The following HTR1F variants were observed in gnomAD, a reference collection of about 807,000 sequenced individuals.
The protein encoded by HTR1F is 5-hydroxytryptamine (serotonin) receptor 1F, G protein-coupled.
In HTR1F, 17 loss-of-function variants were observed where a neutral mutation model predicts 24.0. The ratio of observed to expected loss-of-function variants is 0.71; its 90% CI spans 0.48 to 1.06. The LOEUF is 1.06. Ranked by LOEUF, HTR1F falls within the 50% of genes least tolerant of loss-of-function variation. The probability of loss-of-function intolerance (pLI) is 0.00; values close to 1 mark genes in which losing one functional copy is unlikely to be tolerated. For missense variants in HTR1F, 391 were observed against 427.8 expected (o/e 0.91, Z 0.76); for synonymous variants, 186 against 156.8 (o/e 1.19, Z -1.39).
intron 2 of HTR1F, among the ~76,000 whole-genome samples, chr3:87,977,126 T>C (rs1050717224): frequency 6.6e-6 from 1 of 152,158 alleles, no homozygotes; most frequent in Non-Finnish European, 1.5e-5. Context: ...AAACTTGATA[T>C]TAGACAGTGA....
intron 2 of HTR1F, among the ~76,000 whole-genome samples, chr3:87,931,694 A>C (rs1202321772): frequency 6.6e-6 from 1 of 151,862 alleles, no homozygotes; most frequent in Non-Finnish European, 1.5e-5. Context: ...ATTTCTGCAC[A>C]TCCTCTCCAG....
chr3:87,803,093 A>G (rs1478962166), intron 1 of HTR1F, among the ~76,000 whole-genome samples: 1 of 152,144 alleles, frequency 6.6e-6, no homozygotes, highest in Non-Finnish European at 1.5e-5. Context: ...GTTTTGAGAA[A>G]AGGAACCTGG....
chr3:87,850,425 A>C (rs925278890), intron 2 of HTR1F, among the ~76,000 whole-genome samples: 8 of 151,996 alleles, frequency 5.3e-5, no homozygotes, highest in African/African-American at 1.5e-4. Flanking sequence ...ACATGAACAC[A>C]GGAAGGGTAA....
At chr3:87,922,063 A>C (rs139904374) in intron 2 of HTR1F, among the ~76,000 whole-genome samples, 19 of 152,006 alleles carry the variant, frequency 1.2e-4, no homozygotes, top group Non-Finnish European at 1.5e-5. Context: ...TTGCTGGATC[A>C]TATGGTAGTT....
chr3:87,854,540 A>T (rs1705158249), intron 2 of HTR1F, among the ~76,000 whole-genome samples: 1 of 151,788 alleles, frequency 6.6e-6, no homozygotes, highest in African/African-American at 2.4e-5. Flanking sequence ...ATTCATTCTG[A>T]TGTGAAAGAT....
Position 87,869,890 on chromosome 3 carries a change from A to G in HTR1F, c.-43+47766A>G, listed in dbSNP as rs537645658. 6.6e-5 allele frequency among the ~76,000 whole-genome samples: 10 copies of G among 152,254 alleles called. No individual in the cohort carries two copies. The East Asian group carries it at 1.9e-3, about 29-fold the overall frequency. On this transcript the variant is annotated intron_variant, in intron 2 of 2. Transcript: ENST00000319595. ...TACACGTGGCCCAAATTGACACATA[A>G]ATTAACCATCATAGTTGCGAATGAA... is the stretch of plus-strand genomic sequence containing the variant.
intron 2 of HTR1F, among the ~76,000 whole-genome samples, chr3:87,885,869 G>A (rs182899715): frequency 0.024 from 3,594 of 152,102 alleles, 65 homozygotes; most frequent in Non-Finnish European, 0.031. Context: ...ACCAAAAAAA[G>A]CCCAGGACCA....
intron 1 of HTR1F, among the ~76,000 whole-genome samples, chr3:87,812,301 A>G (rs1704174334): frequency 6.6e-6 from 1 of 152,306 alleles, no homozygotes; most frequent in South Asian, 2.1e-4. Context: ...TTTGACCAAC[A>G]TGCTGATAGT....
At chr3:87,844,540 C>A (rs531996452) in intron 2 of HTR1F, among the ~76,000 whole-genome samples, 7,164 of 128,102 alleles carry the variant, frequency 0.056, 753 homozygotes, top group African/African-American at 0.23. Context: ...TAATTAGATC[C>A]CATTTGTCAA....
intron 2 of HTR1F, among the ~76,000 whole-genome samples, chr3:87,971,553 T>C (rs1705285882): frequency 6.6e-6 from 1 of 152,052 alleles, no homozygotes; most frequent in African/African-American, 2.4e-5. Context: ...AATGAGACCC[T>C]ATCTCAAAAA....
At chr3:87,873,944 A>C (rs1328237902) in intron 2 of HTR1F, among the ~76,000 whole-genome samples, 1 of 152,140 alleles carries the variant, frequency 6.6e-6, no homozygotes, top group Non-Finnish European at 1.5e-5. Flanking sequence ...TGATTAAAAC[A>C]CTCAACAAAA....
intron 2 of HTR1F, among the ~76,000 whole-genome samples, chr3:87,859,567 C>G (rs532842960): frequency 6.6e-6 from 1 of 152,106 alleles, no homozygotes; most frequent in African/African-American, 2.4e-5. Flanking sequence ...TGGAGCAGCC[C>G]GGCATACTGC....
intron 2 of HTR1F, among the ~76,000 whole-genome samples, chr3:87,901,578 T>A (rs544602199): frequency 1.8e-4 from 27 of 152,244 alleles, no homozygotes; most frequent in African/African-American, 6.0e-4. Flanking sequence ...GCTTCAAATT[T>A]CTATTATTAT....
intron 2 of HTR1F, among the ~76,000 whole-genome samples, chr3:87,895,139 T>C (rs1342049509): frequency 6.6e-6 from 1 of 152,156 alleles, no homozygotes; most frequent in Non-Finnish European, 1.5e-5. Flanking sequence ...TAGGTTTGCC[T>C]TTTACTAGGT....
intron 2 of HTR1F, among the ~76,000 whole-genome samples, chr3:87,925,986 G>A (rs1047925887): frequency 6.6e-6 from 1 of 152,160 alleles, no homozygotes; most frequent in South Asian, 2.1e-4. Context: ...GAAGAAAGAT[G>A]AGCACTGGAC....
intron 2 of HTR1F, among the ~76,000 whole-genome samples, chr3:87,868,183 CTTGGAGATTTCTGACATTAG>C (rs1705469712): frequency 6.6e-6 from 1 of 152,148 alleles, no homozygotes; most frequent in African/African-American, 2.4e-5. Context: ...TGGCTTTTAG[CTTGGAGATTTCTGACATTAG>C]TTGGATCTCA....
chr3:87,852,007 G>T (rs1319117915), intron 2 of HTR1F, among the ~76,000 whole-genome samples: 1 of 148,850 alleles, frequency 6.7e-6, no homozygotes. Context: ...ACCAGCAATA[G>T]CTGAGACTCT....
At chr3:87,820,456 G>A (rs1190644465) in intron 1 of HTR1F, among the ~76,000 whole-genome samples, 3 of 151,940 alleles carry the variant, frequency 2.0e-5, no homozygotes, top group East Asian at 1.9e-4. Flanking sequence ...GATTACAGGC[G>A]TGAGCCACCG....
chr3:87,875,923 C>CAA (rs35699795), intron 2 of HTR1F, among the ~76,000 whole-genome samples: 31 of 86,716 alleles, frequency 3.6e-4, no homozygotes, highest in Middle Eastern at 6.0e-3. Context: ...GGCTCCGTCT[C>CAA]AAAAAAAAAA....
Sources: gnomAD v4.1 joint callset for allele counts (sites outside exome capture counted in the v4.1 genomes callset) on GRCh38, gnomAD v4.1.1 for gene constraint, MANE v1.5 for transcripts, NCBI Gene and HGNC (gene_info 2026-07-23, HGNC 2026-07-21) for gene names.